Variants in SEZ6 observed in about 807,000 individuals in gnomAD.
The protein encoded by SEZ6 is seizure protein 6 homolog.
A neutral mutation model predicts 101.0 loss-of-function variants in SEZ6; 53 were observed. That is an observed-to-expected ratio of 0.52 (90% CI 0.42 to 0.66). The LOEUF is 0.66. SEZ6 is among the 30% of genes least tolerant of loss of function. The probability of loss-of-function intolerance (pLI) is 0.00; values close to 1 mark genes in which losing one functional copy is unlikely to be tolerated. For synonymous variants in SEZ6, 488 were observed against 512.2 expected, an observed-to-expected ratio of 0.95 and a Z score of 0.64; for missense variants, 1,102 against 1,289.4, an observed-to-expected ratio of 0.85 and a Z score of 2.23.
intron 14 of SEZ6, 71 bp from the exon 15 acceptor site, chr17:28,956,538 C>T (rs1188258854): frequency 6.7e-7 from 1 of 1,501,670 alleles, no homozygotes; most frequent in Non-Finnish European, 9.0e-7. Context: ...TCACCTCTGC[C>T]CAAGGGCATC....
intron 3 of SEZ6, among the ~76,000 whole-genome samples, chr17:28,970,903 C>A (rs2041142401): frequency 2.6e-5 from 4 of 152,352 alleles, no homozygotes; most frequent in Admixed American, 1.3e-4. Flanking sequence ...CCATGCCCCT[C>A]CGCATGTCAA....
chr17:28,981,292 G>C (rs2041297396), intron 2 of SEZ6, 79 bp downstream of exon 2: 1 of 1,481,288 alleles, frequency 6.8e-7, no homozygotes, highest in Admixed American at 2.2e-5. Flanking sequence ...GGCTGGCACA[G>C]TGTCAGAGAC....
At chr17:28,956,619 C>T (rs2040882577) in intron 14 of SEZ6, 100 bp downstream of exon 14, 2 of 1,526,230 alleles carry the variant, frequency 1.3e-6, no homozygotes, top group Admixed American at 2.0e-5. Flanking sequence ...CCAAACCTCT[C>T]TCTTTCTCTG....
intron 1 of SEZ6, among the ~76,000 whole-genome samples, chr17:29,004,248 C>G (rs770774081): frequency 6.6e-6 from 1 of 152,230 alleles, no homozygotes; most frequent in Non-Finnish European, 1.5e-5. Context: ...GGGACAGACA[C>G]AGGCCCTGCG....
Position 28,958,932 on chromosome 17 carries a change from T to C in SEZ6, c.2107+93A>G, listed in dbSNP as rs2040927589. ...CTGGTGCTTTTCCAGCTTACTCTTG[T>C]CTGAGACAGCATTCAGGCACCTCAC... On this transcript the variant is annotated intron_variant, in intron 10 of 16. Coordinates refer to ENST00000317338, the MANE Select transcript of SEZ6 (RefSeq NM_178860.5). 7 of 1,367,188 alleles carry C rather than the reference T, an allele frequency of 5.1e-6. No homozygotes were observed. In the East Asian group the frequency reaches 1.7e-4, roughly 34 times the overall value. The allele number at this position is 1,367,188 out of a possible 1,614,324, so 84.7% of individuals were successfully genotyped here.
intron 5 of SEZ6, among the ~76,000 whole-genome samples, chr17:28,963,409 C>G (rs932120105): frequency 6.6e-6 from 1 of 152,208 alleles, no homozygotes; most frequent in Non-Finnish European, 1.5e-5. Flanking sequence ...TAAGCTTCAA[C>G]AGCTCCTCAG....
rs1160994298 is a variant in SEZ6 at position 28,956,409 on chromosome 17, G to A, written c.2790C>T (p.Ile930=). The A allele has an allele frequency of 1.9e-6, 3 of 1,569,510 alleles. No individual in the cohort carries two copies. Among genetic ancestry groups the A allele is most frequent in the East Asian group, 4.7e-5 (2 of 42,404 alleles). ...ACACCATCGCCACCAGTGGCAAGAAGATGGCAGCTGCAATGTGGGCAGCAT... is the reference window on the plus strand; with the variant it reads ...ACACCATCGCCACCAGTGGCAAGAAAATGGCAGCTGCAATGTGGGCAGCAT... The part of the protein sequence containing the change: ...TLDAAHIAAA[I]FLPLVAMVLL... The change falls in exon 15 of 17, where the codon ATC becomes ATT. Residue 930 remains isoleucine, a synonymous_variant. Coordinates refer to ENST00000317338, the MANE Select transcript of SEZ6 (RefSeq NM_178860.5).
At chr17:28,974,311 C>T (rs765984913) in intron 3 of SEZ6, among the ~76,000 whole-genome samples, 1 of 152,162 alleles carries the variant, frequency 6.6e-6, no homozygotes, top group Non-Finnish European at 1.5e-5. Context: ...CCCACTTACA[C>T]GCACACAGCC....
At chr17:28,966,799 C>G (rs1011211205) in intron 4 of SEZ6, among the ~76,000 whole-genome samples, 1 of 152,152 alleles carries the variant, frequency 6.6e-6, no homozygotes, top group Admixed American at 6.5e-5. Flanking sequence ...TCAGGGCAGA[C>G]CAGGGTCCAG....
chr17:28,963,830 A>T, intron 5 of SEZ6, 132 bp downstream of exon 5: 2 of 1,039,580 alleles, frequency 1.9e-6, no homozygotes, highest in Non-Finnish European at 2.9e-6. Context: ...GATGAATGCC[A>T]CTGAGGTGCA....
intron 4 of SEZ6, among the ~76,000 whole-genome samples, chr17:28,966,156 T>TA (rs1335789960): frequency 7.4e-6 from 1 of 135,674 alleles, no homozygotes; most frequent in Non-Finnish European, 1.6e-5. Context: ...AAAAATAAAA[T>TA]AAATAAATAA....
Position 29,001,358 on chromosome 17 carries a change from A to G in SEZ6, c.55+4457T>C, listed in dbSNP as rs141883485. Reference sequence around the variant, plus strand: ...GTTTAGTTTTGCTGCTGGAGCATCAAGCAACCAGGGACTTGTGACCTAGCA... The same window carrying G: ...GTTTAGTTTTGCTGCTGGAGCATCAGGCAACCAGGGACTTGTGACCTAGCA... On this transcript the variant is annotated intron_variant, in intron 1 of 16. Coordinates refer to ENST00000317338, the MANE Select transcript of SEZ6 (RefSeq NM_178860.5). Among the ~76,000 whole-genome samples the G allele has an allele frequency of 1.1e-4, 17 of 152,314 alleles. No homozygotes were observed. In the East Asian group the frequency reaches 2.9e-3, roughly 26 times the overall value.
At chr17:28,999,111 A>T (rs1441333438) in intron 1 of SEZ6, among the ~76,000 whole-genome samples, 1 of 152,128 alleles carries the variant, frequency 6.6e-6, no homozygotes, top group Non-Finnish European at 1.5e-5. Context: ...GGAAGGATGG[A>T]TGGATGGAGG....
rs2040897099 is a variant in SEZ6 at position 28,957,329 on chromosome 17, C to T, written c.2494+19G>A. The T allele has an allele frequency of 6.2e-7, 1 of 1,610,652 alleles. No homozygotes were observed. Among genetic ancestry groups the T allele is most frequent in the Admixed American group, 1.7e-5 (1 of 59,920 alleles). On this transcript the variant is annotated intron_variant, in intron 12 of 16. Transcript: ENST00000317338. ...TATCTCCAGCTAGAGGTTTTCCCTC[C>T]TACTCAATTGACACTTACGGAGACA... is the stretch of plus-strand genomic sequence containing the variant.
chr17:28,970,527 C>T (rs1410603352), intron 3 of SEZ6, among the ~76,000 whole-genome samples: 3 of 152,210 alleles, frequency 2.0e-5, no homozygotes, highest in East Asian at 1.9e-4. Flanking sequence ...CATCTTGCCT[C>T]CTCCCTCATA....
At chr17:28,966,556 G>C (rs543346029) in intron 4 of SEZ6, among the ~76,000 whole-genome samples, 15 of 152,296 alleles carry the variant, frequency 9.8e-5, no homozygotes, top group Admixed American at 9.8e-4. Flanking sequence ...GAGAGGCTGA[G>C]AGGCTTGTGC....
intron 1 of SEZ6, among the ~76,000 whole-genome samples, chr17:28,982,286 G>A (rs552691495): frequency 2.3e-4 from 35 of 152,244 alleles, no homozygotes; most frequent in Non-Finnish European, 3.8e-4. Context: ...GCCCATCCGT[G>A]CACTATTTCC....
intron 1 of SEZ6, among the ~76,000 whole-genome samples, chr17:28,997,960 C>T (rs2041564733): frequency 6.6e-6 from 1 of 152,122 alleles, no homozygotes; most frequent in Non-Finnish European, 1.5e-5. Context: ...TGCCTCCCTG[C>T]CCCCACCCCC....
chr17:28,976,081 A>G (rs1313325707), intron 3 of SEZ6, among the ~76,000 whole-genome samples: 1 of 152,222 alleles, frequency 6.6e-6, no homozygotes, highest in Non-Finnish European at 1.5e-5. Context: ...CCTGATCCCC[A>G]GATGAATCAG....
Sources: gnomAD v4.1 joint callset for allele counts (sites outside exome capture counted in the v4.1 genomes callset) on GRCh38, gnomAD v4.1.1 for gene constraint, MANE v1.5 for transcripts, NCBI Gene and HGNC (gene_info 2026-07-23, HGNC 2026-07-21) for gene names.